DENND1B: variants seen among roughly 807,000 people sequenced by gnomAD.
The protein encoded by DENND1B is DENN domain containing 1B.
DENND1B carries 59 observed loss-of-function variants against 90.1 expected under a neutral mutation model. That is an observed-to-expected ratio of 0.65 (90% CI 0.53 to 0.81). The LOEUF (loss-of-function observed/expected upper bound fraction) is 0.81, where lower values mean the gene tolerates loss of function less well. DENND1B is among the 40% of genes least tolerant of loss of function. The pLI is 0.00. For synonymous variants in DENND1B, 337 were observed against 324.6 expected (o/e 1.04, Z -0.41); for missense variants, 862 against 912.6 (o/e 0.94, Z 0.71).
At chr1:197,771,991 T>C (rs559602800) in intron 2 of DENND1B, among the ~76,000 whole-genome samples, 28 of 152,292 alleles carry the variant, frequency 1.8e-4, no homozygotes, top group African/African-American at 6.7e-4. Flanking sequence ...TATTATGCTC[T>C]CATCTTTTCA....
intron 1 of DENND1B, among the ~76,000 whole-genome samples, chr1:197,774,139 C>T (rs1656969928): frequency 6.6e-6 from 1 of 152,162 alleles, no homozygotes; most frequent in Non-Finnish European, 1.5e-5. Context: ...TGTCAAGAAG[C>T]ATACTATTTT....
chr1:197,745,968 C>T (rs1294365166), intron 2 of DENND1B, among the ~76,000 whole-genome samples: 1 of 152,118 alleles, frequency 6.6e-6, no homozygotes, highest in East Asian at 1.9e-4. Context: ...CCTTTTATAA[C>T]ATTAAGGTCA....
chr1:197,578,238 TTG>T (rs1259792433), intron 15 of DENND1B, among the ~76,000 whole-genome samples: 1 of 150,318 alleles, frequency 6.7e-6, no homozygotes, highest in Non-Finnish European at 1.5e-5. Context: ...TTTGTTTTTG[TTG>T]TTGTTGTTGT....
At chr1:197,639,254 G>A (rs1036835614) in intron 10 of DENND1B, among the ~76,000 whole-genome samples, 21 of 151,992 alleles carry the variant, frequency 1.4e-4, no homozygotes, top group Admixed American at 4.6e-4. Context: ...AGTAGAGATG[G>A]GGTTTCGCTA....
intron 20 of DENND1B, among the ~76,000 whole-genome samples, chr1:197,523,589 G>A (rs1206215659): frequency 2.6e-5 from 4 of 152,162 alleles, no homozygotes; most frequent in Non-Finnish European, 4.4e-5. Context: ...ACTGCTGATA[G>A]CTCAGAGTGA....
intron 6 of DENND1B, among the ~76,000 whole-genome samples, chr1:197,656,601 AC>A (rs1309623715): frequency 6.6e-6 from 1 of 152,124 alleles, no homozygotes; most frequent in African/African-American, 2.4e-5. Context: ...AGAATTTGAG[AC>A]CAGCCTAAGC....
At chr1:197,583,397 T>C (rs576749019) in intron 14 of DENND1B, 144 bp from the exon 15 acceptor site, 1 of 651,822 alleles carries the variant, frequency 1.5e-6, no homozygotes, top group South Asian at 2.4e-5. Context: ...TAGTTTAGGC[T>C]AGTAGAAATA....
chr1:197,531,393 T>TGGATACTTGAGCCAGTTC (rs1571763277), intron 20 of DENND1B, among the ~76,000 whole-genome samples: 1 of 2,994 alleles, frequency 3.3e-4, no homozygotes, highest in African/African-American at 5.9e-4. Context: ...AATCTTTTTT[T>TGGATACTTGAGCCAGTTC]TTTTTTTTTT....
intron 3 of DENND1B, among the ~76,000 whole-genome samples, chr1:197,677,687 G>C (rs1405721460): frequency 6.6e-6 from 1 of 152,168 alleles, no homozygotes; most frequent in Admixed American, 6.6e-5. Context: ...CAAGGGTCCT[G>C]AGTCTTTAAC....
chr1:197,647,152 T>A (rs1208914251), intron 7 of DENND1B, 38 bp from the exon 8 acceptor site: 2 of 1,353,234 alleles, frequency 1.5e-6, no homozygotes, highest in Admixed American at 3.8e-5. Context: ...ATATTTTACT[T>A]TCATGGGAGA....
intron 10 of DENND1B, among the ~76,000 whole-genome samples, chr1:197,631,701 AT>A (rs1002609336): frequency 6.6e-6 from 1 of 151,790 alleles, no homozygotes; most frequent in African/African-American, 2.4e-5. Flanking sequence ...ATAATTTGTA[AT>A]TAAATAAGAA....
intron 2 of DENND1B, among the ~76,000 whole-genome samples, chr1:197,753,846 CA>C (rs901874461): frequency 3.8e-4 from 58 of 151,408 alleles, no homozygotes; most frequent in African/African-American, 1.3e-3. Context: ...ACTAAAAATA[CA>C]AAAAAAACTG....
chr1:197,556,818 T>C (rs1244878276), intron 15 of DENND1B, among the ~76,000 whole-genome samples: 2 of 151,952 alleles, frequency 1.3e-5, no homozygotes, highest in Non-Finnish European at 2.9e-5. Flanking sequence ...AATAATAAAG[T>C]CCACTTTCCC....
chr1:197,578,152 G>A (rs577753737), intron 15 of DENND1B, among the ~76,000 whole-genome samples: 1 of 152,194 alleles, frequency 6.6e-6, no homozygotes, highest in African/African-American at 2.4e-5. Flanking sequence ...AGGTTTTTGA[G>A]ATCTACTGCA....
intron 10 of DENND1B, among the ~76,000 whole-genome samples, chr1:197,620,947 G>A (rs1038971731): frequency 4.0e-5 from 6 of 151,288 alleles, no homozygotes; most frequent in African/African-American, 1.5e-4. Flanking sequence ...GAACTCTAAC[G>A]TGGTGACATA....
At chr1:197,530,425 T>C (rs1333791934) in intron 20 of DENND1B, among the ~76,000 whole-genome samples, 10 of 152,176 alleles carry the variant, frequency 6.6e-5, no homozygotes, top group Admixed American at 6.6e-4. Context: ...GGACTAGGAA[T>C]AGGATGAGTG....
intron 2 of DENND1B, among the ~76,000 whole-genome samples, chr1:197,746,129 T>G (rs1395802588): frequency 6.6e-6 from 1 of 152,210 alleles, no homozygotes; most frequent in Non-Finnish European, 1.5e-5. Flanking sequence ...TGTTTGCTCA[T>G]GCCTGTAATC....
intron 10 of DENND1B, among the ~76,000 whole-genome samples, chr1:197,629,096 G>C (rs371306314): frequency 6.6e-6 from 1 of 151,986 alleles, no homozygotes. Flanking sequence ...AAACTAGTTC[G>C]ACCATTGTGG....
chr1:197,571,799 C>A (rs192173638), intron 15 of DENND1B, among the ~76,000 whole-genome samples: 4 of 151,986 alleles, frequency 2.6e-5, no homozygotes, highest in Admixed American at 1.3e-4. Context: ...AATAGACACA[C>A]AGAAAAAAGA....
Sources: gnomAD v4.1 joint callset for allele counts (sites outside exome capture counted in the v4.1 genomes callset) on GRCh38, gnomAD v4.1.1 for gene constraint, MANE v1.5 for transcripts, NCBI Gene and HGNC (gene_info 2026-07-23, HGNC 2026-07-21) for gene names.